Variants in CFAP54 observed in about 807,000 individuals in gnomAD.
CFAP54 encodes cilia- and flagella-associated protein 54.
A neutral mutation model predicts 370.4 loss-of-function variants in CFAP54; 290 were observed. The ratio of observed to expected loss-of-function variants is 0.78; its 90% CI spans 0.71 to 0.86. CFAP54 has a LOEUF of 0.86. Among genes scored for constraint, CFAP54 ranks in the 40% least tolerant of loss-of-function variants. The pLI, the probability that CFAP54 is intolerant of heterozygous loss-of-function variation, is 0.00. For synonymous variants in CFAP54, 1,206 were observed against 1,236.5 expected (o/e 0.98, Z 0.52); for missense variants, 3,399 against 3,528.7 (o/e 0.96, Z 0.93).
intron 30 of CFAP54, among the ~76,000 whole-genome samples, chr12:96,628,628 G>A (rs1267480030): frequency 6.6e-6 from 1 of 152,150 alleles, no homozygotes; most frequent in Non-Finnish European, 1.5e-5. Context: ...TCTAATTTAG[G>A]CAGCAAAACA....
chr12:96,669,070 G>A lies in CFAP54; in HGVS notation c.5563+5138G>A, dbSNP rs906840780. Among the ~76,000 whole-genome samples the A allele has an allele frequency of 6.6e-4, 100 of 152,194 alleles. 4 individuals are homozygous for A. Among genetic ancestry groups the A allele is most frequent in the Non-Finnish European group, 7.3e-5 (5 of 68,046 alleles). On this transcript the variant is annotated intron_variant, in intron 39 of 67. Coordinates refer to ENST00000524981, the MANE Select transcript of CFAP54 (RefSeq NM_001306084.2). Reference sequence around the variant, plus strand: ...CAGAGATTATAGTATAGAGTGATAAGATATGTAATGTTATTACTACTGCTG... The same window carrying A: ...CAGAGATTATAGTATAGAGTGATAAAATATGTAATGTTATTACTACTGCTG...
chr12:96,526,950 A>G (rs1955389450), intron 8 of CFAP54, among the ~76,000 whole-genome samples: 1 of 129,480 alleles, frequency 7.7e-6, no homozygotes, highest in Admixed American at 9.4e-5. Context: ...GCTGGAGTGC[A>G]GTGGCATGAC....
chr12:96,551,139 CAT>C (rs1337091752), intron 15 of CFAP54, among the ~76,000 whole-genome samples: 1 of 150,746 alleles, frequency 6.6e-6, no homozygotes, highest in African/African-American at 2.5e-5. Context: ...GGTGTGATGA[CAT>C]GTGCCTGTAG....
chr12:96,807,437 G>A (rs1480771397), intron 63 of CFAP54, among the ~76,000 whole-genome samples: 1 of 152,198 alleles, frequency 6.6e-6, no homozygotes, highest in African/African-American at 2.4e-5. Flanking sequence ...CCTAGTACAA[G>A]AGAGCTCGTC....
rs1957066493 is a variant in CFAP54 at position 96,665,230 on chromosome 12, GCATAGTTT to G, written c.5563+1299_5563+1306del. ...GCTGGATATTAGACCTTTGTTGGAT[GCATAGTTT>G]GGAAAAATTGTCTCCCACCATAGGG... On this transcript the variant is annotated intron_variant, in intron 39 of 67. Coordinates refer to ENST00000524981, the MANE Select transcript of CFAP54 (RefSeq NM_001306084.2). Among the ~76,000 whole-genome samples the G allele has an allele frequency of 5.9e-5, 9 of 151,902 alleles. No homozygotes were observed. The South Asian group carries it at 1.9e-3, about 32-fold the overall frequency.
At position 96,495,367 on chromosome 12, in the gene CFAP54, G is replaced by A. The variant is rs892095530; in HGVS notation, c.317+5441G>A. 2.4e-4 allele frequency among the ~76,000 whole-genome samples: 36 copies of A among 151,162 alleles called. 1 individual carries two copies. ...CTGTCGCCCAGGCTGGAGTGCAGTA[G>A]CCGGATCTTGGCTCACTGCTACGTC... On this transcript the variant is annotated intron_variant, in intron 1 of 67. Coordinates refer to ENST00000524981, the MANE Select transcript of CFAP54 (RefSeq NM_001306084.2).
chr12:96,585,010 A>G (rs1301590785), intron 22 of CFAP54, among the ~76,000 whole-genome samples: 1 of 150,772 alleles, frequency 6.6e-6, no homozygotes. Flanking sequence ...CCCACCCAGT[A>G]TAATAAAGAG....
intron 40 of CFAP54, 87 bp downstream of exon 40, chr12:96,679,839 C>A: frequency 7.4e-7 from 1 of 1,353,688 alleles, no homozygotes; most frequent in Non-Finnish European, 1.0e-6. Flanking sequence ...CTCATTCTTC[C>A]CTCCCCGTGT....
intron 23 of CFAP54, 34 bp downstream of exon 23, chr12:96,589,597 G>T (rs1480482729): frequency 1.5e-6 from 2 of 1,296,840 alleles, no homozygotes. Context: ...ATATTAATTT[G>T]CTTATTGAAA....
At chr12:96,528,452 C>T (rs1478384058) in intron 9 of CFAP54, among the ~76,000 whole-genome samples, 1 of 152,096 alleles carries the variant, frequency 6.6e-6, no homozygotes, top group Non-Finnish European at 1.5e-5. Context: ...ATATTAGCCT[C>T]ATAAAATGAG....
intron 23 of CFAP54, among the ~76,000 whole-genome samples, chr12:96,591,389 CAT>C (rs1222405114): frequency 2.0e-5 from 3 of 152,038 alleles, no homozygotes; most frequent in Non-Finnish European, 2.9e-5. Flanking sequence ...AAAGACCACT[CAT>C]GTGAAGTTTG....
intron 66 of CFAP54, among the ~76,000 whole-genome samples, chr12:96,837,066 C>T (rs1293815967): frequency 6.6e-6 from 1 of 152,176 alleles, no homozygotes; most frequent in Non-Finnish European, 1.5e-5. Flanking sequence ...AAATGATCCT[C>T]CCATCTTGTT....
intron 63 of CFAP54, among the ~76,000 whole-genome samples, chr12:96,809,510 T>C (rs1958910955): frequency 6.6e-6 from 1 of 152,212 alleles, no homozygotes; most frequent in Non-Finnish European, 1.5e-5. Context: ...TAGTATCCTG[T>C]TCTTGTTTCA....
chr12:96,764,037 T>G, intron 58 of CFAP54, 114 bp from the exon 59 acceptor site: 1 of 604,512 alleles, frequency 1.7e-6, no homozygotes, highest in South Asian at 2.4e-5. Context: ...CTCATGTCAA[T>G]AGATACATTA....
intron 48 of CFAP54, among the ~76,000 whole-genome samples, chr12:96,716,407 GAAAGCATTTTTTGGT>G (rs1161415818): frequency 6.6e-6 from 1 of 152,218 alleles, no homozygotes; most frequent in East Asian, 1.9e-4. Context: ...TTTAGTTCCA[GAAAGCATTTTTTGGT>G]ACTCTGCTTG....
At chr12:96,649,041 C>G (rs1230204966) in intron 34 of CFAP54, among the ~76,000 whole-genome samples, 1 of 152,118 alleles carries the variant, frequency 6.6e-6, no homozygotes, top group Non-Finnish European at 1.5e-5. Context: ...ATTTCTAATG[C>G]CTTTAGGCTC....
intron 1 of CFAP54, 32 bp downstream of exon 1, chr12:96,489,958 C>T (rs756098762): frequency 3.3e-6 from 5 of 1,507,372 alleles, no homozygotes; most frequent in Non-Finnish European, 2.7e-6. Flanking sequence ...GGGAGGGCGC[C>T]GGCCAGAGGA....
Position 96,840,617 on chromosome 12 carries a change from T to TC in CFAP54, c.9171+11529_9171+11530insC, listed in dbSNP as rs1491312683. On this transcript the variant is annotated intron_variant, in intron 66 of 67. Coordinates refer to ENST00000524981, the MANE Select transcript of CFAP54 (RefSeq NM_001306084.2). ...AGCTACAGACTTTCTTTCTTTTCTC[T>TC]GTTTCTTTCTTTTTTTTTTTTTTTA... Among the ~76,000 whole-genome samples the TC allele has an allele frequency of 4.0e-5, 3 of 75,414 alleles. 1 individual carries two copies. The highest frequency in any genetic ancestry group is 9.8e-5 in the African/African-American group (2 of 20,316). 49.5% of individuals were successfully genotyped at this position (75,414 alleles called of 152,430 possible).
chr12:96,541,238 C>A (rs1955565164), intron 14 of CFAP54, among the ~76,000 whole-genome samples: 1 of 151,572 alleles, frequency 6.6e-6, no homozygotes, highest in Non-Finnish European at 1.5e-5. Context: ...TAATTACTGC[C>A]TACTCCCCTT....
Sources: gnomAD v4.1 joint callset for allele counts (sites outside exome capture counted in the v4.1 genomes callset) on GRCh38, gnomAD v4.1.1 for gene constraint, MANE v1.5 for transcripts, NCBI Gene and HGNC (gene_info 2026-07-23, HGNC 2026-07-21) for gene names.